Variants in CDH23 observed in about 807,000 individuals in gnomAD.
The protein encoded by CDH23 is cadherin-23.
Under a neutral mutation model 317.1 loss-of-function variants are expected in CDH23, and 189 were observed. The ratio of observed to expected loss-of-function variants is 0.60; its 90% CI spans 0.53 to 0.67. CDH23 has a LOEUF of 0.67. Ranked by LOEUF, CDH23 falls within the 30% of genes least tolerant of loss-of-function variation. CDH23 has a pLI of 0.00. For synonymous variants in CDH23, 1,839 were observed against 1,876.8 expected, an observed-to-expected ratio of 0.98 and a Z score of 0.52; for missense variants, 4,401 against 4,592.4, an observed-to-expected ratio of 0.96 and a Z score of 1.20.
At chr10:71,443,112 C>CA (rs1292672431) in intron 2 of CDH23, among the ~76,000 whole-genome samples, 2 of 152,198 alleles carry the variant, frequency 1.3e-5, no homozygotes, top group African/African-American at 2.4e-5. Flanking sequence ...AGGATCTCTC[C>CA]AGCAGGGATC....
intron 49 of CDH23, 79 bp downstream of exon 49, chr10:71,797,299 T>C: frequency 1.0e-6 from 1 of 981,350 alleles, no homozygotes; most frequent in Non-Finnish European, 1.6e-6. Context: ...CAGGCACTGG[T>C]CTGTCCCCAG....
intron 1 of CDH23, among the ~76,000 whole-genome samples, chr10:71,434,508 G>A (rs1208474839): frequency 6.6e-6 from 1 of 152,164 alleles, no homozygotes; most frequent in Non-Finnish European, 1.5e-5. Flanking sequence ...TGTGGTATAA[G>A]ACTTTGATTT....
At position 71,791,284 on chromosome 10, in the gene CDH23, A is replaced by G; in HGVS notation, c.6202A>G (p.Thr2068Ala). 6.2e-7 allele frequency: 1 copy of G among 1,613,860 alleles called. No homozygotes were observed. Among genetic ancestry groups the G allele is most frequent in the East Asian group, 2.2e-5 (1 of 44,860 alleles). The change falls in exon 47 of 70, where the codon ACC (threonine) becomes GCC (alanine). Residue 2068 changes from threonine (T) to alanine (A), a missense_variant. Physicochemically the swap from Thr to Ala is moderately conservative, Grantham distance 58. This residue lies in a region of CDH23 where 3,068 missense variants were observed against 3,203.3 expected (regional missense o/e 0.96). Coordinates refer to ENST00000224721, the MANE Select transcript of CDH23 (RefSeq NM_022124.6). ...TILDDNDNRP[T>A]FSPATLTVHL... is the part of the protein sequence containing the mutation. ...CCTGGATGACAATGACAACCGGCCC[A>G]CCTTTAGCCCTGCCACCCTCACTGT...
At chr10:71,451,735 C>T (rs1485406279) in intron 3 of CDH23, among the ~76,000 whole-genome samples, 1 of 152,190 alleles carries the variant, frequency 6.6e-6, no homozygotes, top group African/African-American at 2.4e-5. Flanking sequence ...CTTCTGGCTC[C>T]CTTCTTGGCC....
chr10:71,604,468 C>T (rs981710660), intron 9 of CDH23, among the ~76,000 whole-genome samples: 1 of 152,164 alleles, frequency 6.6e-6, no homozygotes, highest in African/African-American at 2.4e-5. Flanking sequence ...TGCCATCACC[C>T]AGTCCATGCC....
At chr10:71,613,909 A>G (rs1248787967) in intron 9 of CDH23, among the ~76,000 whole-genome samples, 3 of 152,176 alleles carry the variant, frequency 2.0e-5, no homozygotes, top group Non-Finnish European at 4.4e-5. Flanking sequence ...AATAACGACA[A>G]CACTACTGAG....
chr10:71,680,529 A>G (rs185071924), intron 17 of CDH23, among the ~76,000 whole-genome samples: 11 of 152,138 alleles, frequency 7.2e-5, no homozygotes, highest in Admixed American at 3.9e-4. Flanking sequence ...CGGCGGATCA[A>G]TTGAGGTCAG....
intron 9 of CDH23, among the ~76,000 whole-genome samples, chr10:71,592,756 G>T (rs942306176): frequency 6.6e-6 from 1 of 152,092 alleles, no homozygotes; most frequent in East Asian, 1.9e-4. Flanking sequence ...GCAGCGTTTC[G>T]GACCTGGGTG....
intron 11 of CDH23, among the ~76,000 whole-genome samples, chr10:71,633,907 A>G (rs1862137311): frequency 6.6e-6 from 1 of 152,196 alleles, no homozygotes; most frequent in African/African-American, 2.4e-5. Flanking sequence ...GAGGAGAGGC[A>G]GACTCACTCT....
At chr10:71,810,742 T>C (rs1313969738) in intron 62 of CDH23, among the ~76,000 whole-genome samples, 173 bp downstream of exon 62, 4 of 152,070 alleles carry the variant, frequency 2.6e-5, no homozygotes, top group African/African-American at 2.4e-5. Flanking sequence ...TTTGGGGGTA[T>C]GAGCAACTCT....
rs980140393 is a variant in CDH23 at position 71,710,925 on chromosome 10, G to A, written c.3220+1714G>A. On this transcript the variant is annotated intron_variant, in intron 27 of 69. Transcript: ENST00000224721. Reference sequence around the variant, plus strand: ...AAGTTTGGTCTTTGGTCTCTGGGCAGCAGGGAGCCCTTGAGGGCCCCAGAG... The same window carrying A: ...AAGTTTGGTCTTTGGTCTCTGGGCAACAGGGAGCCCTTGAGGGCCCCAGAG... Among the ~76,000 whole-genome samples the A allele has an allele frequency of 1.1e-4, 16 of 152,360 alleles. No individual in the cohort carries two copies. The East Asian group carries it at 3.1e-3, about 29-fold the overall frequency.
intron 44 of CDH23, among the ~76,000 whole-genome samples, chr10:71,786,456 C>A (rs1490521603): frequency 6.6e-6 from 1 of 151,714 alleles, no homozygotes; most frequent in Non-Finnish European, 1.5e-5. Flanking sequence ...AGCTACATGC[C>A]CCTCCCATGT....
chr10:71,496,460 C>A (rs1852974422), intron 3 of CDH23, among the ~76,000 whole-genome samples: 1 of 152,214 alleles, frequency 6.6e-6, no homozygotes, highest in African/African-American at 2.4e-5. Flanking sequence ...GGAAGCTGGC[C>A]TCCCTGGAGG....
At chr10:71,760,306 T>TACAC (rs142089504) in intron 38 of CDH23, among the ~76,000 whole-genome samples, 1 of 86,502 alleles carries the variant, frequency 1.2e-5, no homozygotes, top group Non-Finnish European at 2.9e-5. Flanking sequence ...TATATGTATA[T>TACAC]ACACACACAT....
At chr10:71,737,872 C>T (rs752814757) in intron 34 of CDH23, 10 of 451,332 alleles carry the variant, frequency 2.2e-5, no homozygotes, top group Admixed American at 4.7e-5. Flanking sequence ...GTTGCATGCC[C>T]GGTTTTTATT....
intron 11 of CDH23, among the ~76,000 whole-genome samples, chr10:71,626,068 G>A (rs1156407809): frequency 1.3e-5 from 2 of 152,190 alleles, no homozygotes; most frequent in Non-Finnish European, 2.9e-5. Context: ...TGACTGCTAA[G>A]TCTCCTTGTT....
intron 11 of CDH23, among the ~76,000 whole-genome samples, chr10:71,639,341 C>T (rs1036848623): frequency 5.3e-5 from 8 of 152,210 alleles, no homozygotes; most frequent in African/African-American, 1.9e-4. Flanking sequence ...AGGCAGTCCC[C>T]CAGCCCCCTG....
intron 38 of CDH23, chr10:71,773,560 G>A (rs1283423703): frequency 1.1e-6 from 1 of 900,624 alleles, no homozygotes; most frequent in Non-Finnish European, 1.6e-6. Context: ...CCCCAGCGCC[G>A]TGCTCCAGGC....
chr10:71,463,822 T>C (rs532175187), intron 3 of CDH23, among the ~76,000 whole-genome samples: 2 of 152,198 alleles, frequency 1.3e-5, no homozygotes, highest in South Asian at 4.1e-4. Context: ...TGTCCTGCCA[T>C]CAACAGATCA....
Sources: gnomAD v4.1 joint callset for allele counts (sites outside exome capture counted in the v4.1 genomes callset) on GRCh38, gnomAD v4.1.1 for gene constraint, gnomAD v4.1.1 regional missense constraint, MANE v1.5 for transcripts, NCBI Gene and HGNC (gene_info 2026-07-23, HGNC 2026-07-21) for gene names.